The following MAP3K13 variants were observed in gnomAD, a reference collection of about 807,000 sequenced individuals.
MAP3K13 encodes mitogen-activated protein kinase kinase kinase 13.
In MAP3K13, 52 loss-of-function variants were observed where a neutral mutation model predicts 104.0. The observed-to-expected ratio is 0.50, with a 90% CI of 0.40 to 0.63. The LOEUF is 0.63. Ranked by LOEUF, MAP3K13 falls within the 20% of genes least tolerant of loss-of-function variation. MAP3K13 has a pLI of 0.00. For synonymous variants in MAP3K13, 394 were observed against 442.2 expected, an observed-to-expected ratio of 0.89 and a Z score of 1.37; for missense variants, 914 against 1,218.5, an observed-to-expected ratio of 0.75 and a Z score of 3.72.
intron 9 of MAP3K13, among the ~76,000 whole-genome samples, 161 bp downstream of exon 9, chr3:185,466,024 C>T (rs774030961): frequency 1.3e-5 from 2 of 152,184 alleles, no homozygotes; most frequent in Non-Finnish European, 2.9e-5. Flanking sequence ...CTGCCCCTGG[C>T]GAGGTATACA....
At chr3:185,454,523 C>CA (rs1246112505) in intron 7 of MAP3K13, among the ~76,000 whole-genome samples, 19 of 36,350 alleles carry the variant, frequency 5.2e-4, no homozygotes, top group Non-Finnish European at 1.1e-3. Context: ...ATGATATATA[C>CA]CATATATATG....
intron 1 of MAP3K13, among the ~76,000 whole-genome samples, chr3:185,402,899 CT>C (rs1451066772): frequency 1.3e-5 from 2 of 152,302 alleles, no homozygotes; most frequent in African/African-American, 4.8e-5. Flanking sequence ...CAATTCCCCC[CT>C]GGCTGAACTG....
At chr3:185,390,698 A>C (rs1435644676) in intron 1 of MAP3K13, among the ~76,000 whole-genome samples, 1 of 143,932 alleles carries the variant, frequency 6.9e-6, no homozygotes, top group East Asian at 2.0e-4. Context: ...ATCTCAGCTC[A>C]CTGTAACCTC....
rs770777601 is a variant in MAP3K13, at chr3:185,443,672, T to G, written c.851+36T>G. 11 of 1,585,004 alleles carry G rather than the reference T, an allele frequency of 6.9e-6. No individual in the cohort carries two copies. In the African/African-American group the frequency reaches 1.5e-4, roughly 21 times the overall value. The stretch of plus-strand genomic sequence containing the variant: ...GGGCTAATGTTTCAGCTATTTTGGT[T>G]TGTTGTTTTGAAATACAGAATTTTT... On this transcript the variant is annotated intron_variant, in intron 4 of 13. Transcript: ENST00000265026.
chr3:185,447,840 T>G lies in MAP3K13; in HGVS notation c.903T>G (p.Ser301=). ...TAAAAATTTCAGATTTTGGTACATC[T>G]AAGGAACTCAGTGACAAAAGTACCA... The part of the protein sequence containing the change: ...DAVKISDFGT[S]KELSDKSTKM... The change falls in exon 5 of 14, where the codon TCT becomes TCG. Residue 301 remains serine, a synonymous_variant. Transcript: ENST00000265026. 1 of 1,613,978 alleles carries G rather than the reference T, an allele frequency of 6.2e-7. No homozygotes were observed. Among genetic ancestry groups the G allele is most frequent in the Non-Finnish European group, 8.5e-7 (1 of 1,179,898 alleles).
In MAP3K13 at chr3:185,467,349, G is replaced by C. The variant is rs71320307; in HGVS notation, c.1643+386G>C. Reference sequence around the variant, plus strand: ...TTATTTTTCTGACCTCTAGGACACAGAATTGGGTTAGTCATAATTCTTGAT... The same window carrying C: ...TTATTTTTCTGACCTCTAGGACACACAATTGGGTTAGTCATAATTCTTGAT... On this transcript the variant is annotated intron_variant, in intron 10 of 13. Coordinates refer to ENST00000265026, the MANE Select transcript of MAP3K13 (RefSeq NM_004721.5). 6.9e-3 allele frequency among the ~76,000 whole-genome samples: 1,055 copies of C among 152,274 alleles called. 6 individuals carry two copies. The highest frequency in any genetic ancestry group is 0.014 in the South Asian group (68 of 4,828).
At chr3:185,320,696 G>A (rs773712624) in intron 2 of MAP3K13, among the ~76,000 whole-genome samples, 7 of 152,204 alleles carry the variant, frequency 4.6e-5, no homozygotes, top group East Asian at 1.9e-4. Context: ...ATTACCTTCC[G>A]GCTTGCAGGC....
chr3:185,480,605 C>G (rs1355501253), intron 13 of MAP3K13, 76 bp downstream of exon 13: 1 of 1,437,710 alleles, frequency 7.0e-7, no homozygotes, highest in Non-Finnish European at 9.4e-7. Flanking sequence ...AGGGCCTTTA[C>G]AATTTTCATT....
intron 11 of MAP3K13, chr3:185,477,020 C>T (rs971228276): frequency 8.0e-6 from 4 of 501,552 alleles, no homozygotes; most frequent in African/African-American, 7.7e-5. Flanking sequence ...ACCTCCTCTC[C>T]AACTTCCCTC....
intron 2 of MAP3K13, chr3:185,293,180 C>T: frequency 2.7e-6 from 1 of 365,674 alleles, no homozygotes; most frequent in Non-Finnish European, 3.8e-6. Flanking sequence ...TGTAGTGGCG[C>T]AATCTTGGTT....
intron 2 of MAP3K13, among the ~76,000 whole-genome samples, chr3:185,286,682 G>A (rs958492459): frequency 6.6e-6 from 1 of 152,030 alleles, no homozygotes; most frequent in African/African-American, 2.4e-5. Context: ...TTTACATATA[G>A]TATGTTTTCA....
intron 1 of MAP3K13, among the ~76,000 whole-genome samples, chr3:185,425,463 T>C (rs1174972958): frequency 6.6e-6 from 1 of 152,226 alleles, no homozygotes; most frequent in African/African-American, 2.4e-5. Context: ...TCTTTCCTGT[T>C]CTCTTCACTG....
chr3:185,468,938 T>C (rs1231579343), intron 10 of MAP3K13, among the ~76,000 whole-genome samples: 17 of 152,382 alleles, frequency 1.1e-4, no homozygotes, highest in African/African-American at 3.8e-4. Context: ...TATTTAGCTT[T>C]TTCAAATATG....
chr3:185,356,939 C>T (rs936147365), intron 2 of MAP3K13, among the ~76,000 whole-genome samples: 10 of 152,224 alleles, frequency 6.6e-5, no homozygotes, highest in South Asian at 4.1e-4. Context: ...CTCGCTCTGC[C>T]GCCCGACTTT....
intron 1 of MAP3K13, among the ~76,000 whole-genome samples, chr3:185,367,401 C>T (rs1416806653): frequency 1.3e-5 from 2 of 151,904 alleles, no homozygotes; most frequent in Non-Finnish European, 2.9e-5. Context: ...GAGAGACTTT[C>T]AGAATCAGGA....
chr3:185,385,563 A>T (rs1711639167), intron 1 of MAP3K13, among the ~76,000 whole-genome samples: 1 of 152,230 alleles, frequency 6.6e-6, no homozygotes, highest in South Asian at 2.1e-4. Context: ...TTCCTAATTC[A>T]TTCTGTGAGG....
At chr3:185,409,041 G>A (rs1053272055) in intron 1 of MAP3K13, among the ~76,000 whole-genome samples, 3 of 152,244 alleles carry the variant, frequency 2.0e-5, no homozygotes, top group Non-Finnish European at 4.4e-5. Context: ...GGGCAACTGA[G>A]ATGATTCAAG....
intron 2 of MAP3K13, among the ~76,000 whole-genome samples, chr3:185,357,461 AAAAAAAGAAAAAAAG>A (rs1723415005): frequency 6.6e-6 from 1 of 151,202 alleles, no homozygotes; most frequent in South Asian, 2.1e-4. Context: ...AAAAAAAAAA[AAAAAAAGAAAAAAAG>A]AAAAAGAAAG....
chr3:185,350,746 G>A (rs1051240417), intron 2 of MAP3K13, among the ~76,000 whole-genome samples: 13 of 152,130 alleles, frequency 8.5e-5, no homozygotes, highest in Non-Finnish European at 1.0e-4. Flanking sequence ...CAGAGAAAAG[G>A]GAACGTGTAT....
Sources: allele counts gnomAD v4.1 joint callset (sites outside exome capture counted in the v4.1 genomes callset), GRCh38; gene constraint gnomAD v4.1.1; transcripts MANE v1.5; gene names NCBI Gene and HGNC (gene_info 2026-07-23, HGNC 2026-07-21).